Variants in B3GALNT2 observed in about 807,000 individuals in gnomAD.
The protein encoded by B3GALNT2 is beta-1,3-N-acetylgalactosaminyltransferase 2, also known as UDP-GalNAc:beta-1,3-N-acetylgalactosaminyltransferase 2.
A neutral mutation model predicts 61.1 loss-of-function variants in B3GALNT2; 53 were observed. That is an observed-to-expected ratio of 0.87 (90% CI 0.70 to 1.09). The LOEUF (loss-of-function observed/expected upper bound fraction) is 1.09. Among genes scored for constraint, B3GALNT2 ranks in the 50% least tolerant of loss-of-function variants. The pLI is 0.00. For synonymous variants in B3GALNT2, 223 were observed against 237.4 expected, an observed-to-expected ratio of 0.94 and a Z score of 0.56; for missense variants, 544 against 623.0, an observed-to-expected ratio of 0.87 and a Z score of 1.35.
At chr1:235,495,547 A>AT (rs927051006) in intron 1 of B3GALNT2, among the ~76,000 whole-genome samples, 37 of 151,996 alleles carry the variant, frequency 2.4e-4, no homozygotes, top group African/African-American at 6.8e-4. Flanking sequence ...TAAAAAAAAA[A>AT]AAAAATAATA....
intron 5 of B3GALNT2, 147 bp from the exon 6 acceptor site, chr1:235,471,107 T>C (rs1683983668): frequency 1.4e-6 from 2 of 1,419,620 alleles, no homozygotes; most frequent in Non-Finnish European, 1.9e-6. Flanking sequence ...ATACCACTGT[T>C]AGCGTTTGGT....
intron 1 of B3GALNT2, among the ~76,000 whole-genome samples, chr1:235,498,729 A>C (rs1201956559): frequency 6.6e-6 from 1 of 151,534 alleles, no homozygotes; most frequent in Admixed American, 6.6e-5. Flanking sequence ...CTGTAATCCC[A>C]GCTACTCGGG....
chr1:235,493,783 A>G (rs1359569095), intron 2 of B3GALNT2, among the ~76,000 whole-genome samples: 2 of 152,216 alleles, frequency 1.3e-5, no homozygotes, highest in African/African-American at 4.8e-5. Flanking sequence ...CTCAAAAAAA[A>G]AAAAAATTCA....
intron 3 of B3GALNT2, among the ~76,000 whole-genome samples, chr1:235,486,707 CTTTACTT>C (rs1684823593): frequency 6.6e-6 from 1 of 152,132 alleles, no homozygotes; most frequent in South Asian, 2.1e-4. Context: ...AGTTCTACTT[CTTTACTT>C]TTAATAAATA....
chr1:235,482,612 A>C (rs1035809875), intron 4 of B3GALNT2, among the ~76,000 whole-genome samples: 4 of 152,150 alleles, frequency 2.6e-5, no homozygotes, highest in Admixed American at 2.0e-4. Context: ...TAAAACAAAA[A>C]AAAAAAATCA....
At chr1:235,479,982 G>GC (rs1684478707) in intron 5 of B3GALNT2, 72 bp downstream of exon 5, 2 of 1,576,510 alleles carry the variant, frequency 1.3e-6, no homozygotes, top group Non-Finnish European at 1.7e-6. Context: ...TCAAGTGCCT[G>GC]CCCCTGAAAG....
chr1:235,483,026 CAATG>C (rs1467502398), intron 4 of B3GALNT2, among the ~76,000 whole-genome samples: 1 of 151,950 alleles, frequency 6.6e-6, no homozygotes, highest in Non-Finnish European at 1.5e-5. Flanking sequence ...TATTCTCAAA[CAATG>C]AACACATAGG....
chr1:235,448,245 G>T lies in B3GALNT2; in HGVS notation c.*1961C>A, dbSNP rs1437096847. The T allele has an allele frequency of 9.7e-5, 68 of 699,066 alleles. No individual in the cohort carries two copies. The highest frequency in any genetic ancestry group is 1.6e-4 in the Non-Finnish European group (64 of 399,380). 43.3% of individuals were successfully genotyped at this position (699,066 alleles called of 1,614,324 possible). ...CAAAAAAAAAAAAAAAAAAAAGACA[G>T]ATACAGCTATCATTGCAATGATACT... On this transcript the variant is annotated 3_prime_UTR_variant, in exon 12 of 12. Transcript: ENST00000366600.
rs147295183 is a variant in B3GALNT2, at chr1:235,469,206, G to C, written c.762+1644C>G. Among the ~76,000 whole-genome samples the C allele has an allele frequency of 2.3e-3, 348 of 152,238 alleles. 1 individual carries two copies. The Middle Eastern group carries it at 0.024, about 10-fold the overall frequency. On this transcript the variant is annotated intron_variant, in intron 6 of 11. Transcript: ENST00000366600. ...TATGCAGGAAATGTTTTTTGAATGA[G>C]TAATAACGTAGCATATATTCATTTC...
chr1:235,467,831 G>A (rs1381148080), intron 6 of B3GALNT2, among the ~76,000 whole-genome samples: 1 of 151,422 alleles, frequency 6.6e-6, no homozygotes, highest in Non-Finnish European at 1.5e-5. Flanking sequence ...CCAGGCTGGA[G>A]TGCAATGGCG....
chr1:235,480,877 G>A (rs903698209), intron 4 of B3GALNT2, among the ~76,000 whole-genome samples: 6 of 112,518 alleles, frequency 5.3e-5, no homozygotes, highest in Non-Finnish European at 9.8e-5. Context: ...CTGCACTCCA[G>A]CCTGGACCGC....
Position 235,448,691 on chromosome 1 carries a change from C to G in B3GALNT2, c.*1515G>C. 1.2e-6 allele frequency: 2 copies of G among 1,614,030 alleles called. No individual in the cohort carries two copies. The highest frequency in any genetic ancestry group is 1.7e-6 in the Non-Finnish European group (2 of 1,179,942). On this transcript the variant is annotated 3_prime_UTR_variant, in exon 12 of 12. Transcript: ENST00000366600. Reference sequence around the variant, plus strand: ...TTAGAAGCCGGGCAGAGAAATCGAGCTGGAAAATGACCTAAAGTCATTACA... The same window carrying G: ...TTAGAAGCCGGGCAGAGAAATCGAGGTGGAAAATGACCTAAAGTCATTACA...
chr1:235,453,058 T>G (rs912338878), intron 11 of B3GALNT2, 32 bp downstream of exon 11: 2 of 1,573,182 alleles, frequency 1.3e-6, no homozygotes, highest in Admixed American at 3.4e-5. Context: ...CCTCAACTCT[T>G]AAGAACCCTG....
Position 235,470,893 on chromosome 1 carries a change from T to C in B3GALNT2, c.719A>G (p.Lys240Arg), listed in dbSNP as rs1434832982. Reference protein sequence around the residue: ...LHGLVSRNLHKVTVNDGGGVL... With the variant: ...LHGLVSRNLHRVTVNDGGGVL... Reference sequence around the variant, plus strand: ...TCCCCCTCCATCATTCACTGTCACTTTGTGGAGATTTCTTGACACAAGGCC... The same window carrying C: ...TCCCCCTCCATCATTCACTGTCACTCTGTGGAGATTTCTTGACACAAGGCC... The change falls in exon 6 of 12, where the codon AAA (lysine) becomes AGA (arginine). Residue 240 changes from lysine (K) to arginine (R), a missense_variant. Lys to Arg is a conservative substitution (Grantham distance 26, BLOSUM62 2). Coordinates refer to ENST00000366600, the MANE Select transcript of B3GALNT2 (RefSeq NM_152490.5). 1.1e-5 allele frequency: 17 copies of C among 1,614,132 alleles called. No individual in the cohort carries two copies. Among genetic ancestry groups the C allele is most frequent in the Non-Finnish European group, 1.4e-5 (16 of 1,180,008 alleles).
chr1:235,446,183 C>CTTT (rs11463602), downstream of B3GALNT2, among the ~76,000 whole-genome samples: 1 of 149,048 alleles, frequency 6.7e-6, no homozygotes, highest in African/African-American at 2.5e-5. Flanking sequence ...CCTATACATC[C>CTTT]TTTTTTTTTT....
chr1:235,468,449 C>A (rs1683822523), intron 6 of B3GALNT2, among the ~76,000 whole-genome samples: 1 of 126,058 alleles, frequency 7.9e-6, no homozygotes, highest in Admixed American at 9.2e-5. Context: ...CAGAAACCTA[C>A]CTTTTTTTTT....
intron 5 of B3GALNT2, among the ~76,000 whole-genome samples, chr1:235,474,083 AG>A (rs1339897293): frequency 2.6e-5 from 4 of 152,224 alleles, no homozygotes; most frequent in African/African-American, 9.6e-5. Flanking sequence ...TTACTAAGCA[AG>A]GAAGAAGCTT....
Position 235,447,374 on chromosome 1 carries a change from C to CT in B3GALNT2, c.*2831dup, listed in dbSNP as rs1682429741. On this transcript the variant is annotated 3_prime_UTR_variant, in exon 12 of 12. Transcript: ENST00000366600. ...CTCCAGCTAAAGCTTCAAGGAAACT[C>CT]TATTTCTTATAATCAAAATATCCAC... Among the ~76,000 whole-genome samples, 1 of 152,178 alleles carries CT rather than the reference C, an allele frequency of 6.6e-6. No individual in the cohort carries two copies. The highest frequency in any genetic ancestry group is 1.9e-4 in the East Asian group (1 of 5,200).
rs1682634422 is a variant in B3GALNT2 at position 235,448,518 on chromosome 1, AAC to A, written c.*1686_*1687del. 3 of 1,461,428 alleles carry A rather than the reference AAC, an allele frequency of 2.1e-6. No homozygotes were observed. The highest frequency in any genetic ancestry group is 1.7e-5 in the Admixed American group (1 of 59,766). 90.5% of individuals were successfully genotyped at this position (1,461,428 alleles called of 1,614,324 possible). A position where few individuals can be genotyped will look rare whatever the true frequency, so the allele number is the denominator to read the frequency against. ...TGACATTAAACTGTCTCTAGATAGC[AAC>A]AGTTTGATTCTAAATGGAGACCATG... On this transcript the variant is annotated 3_prime_UTR_variant, in exon 12 of 12. Transcript: ENST00000366600.
Sources: allele counts gnomAD v4.1 joint callset (sites outside exome capture counted in the v4.1 genomes callset), GRCh38; gene constraint gnomAD v4.1.1; transcripts MANE v1.5; gene names NCBI Gene and HGNC (gene_info 2026-07-23, HGNC 2026-07-21).